The following TEX48 variants were observed in gnomAD, a reference collection of about 807,000 sequenced individuals.
TEX48 encodes testis-expressed protein 48.
A neutral mutation model predicts 13.2 loss-of-function variants in TEX48; 10 were observed. The ratio of observed to expected loss-of-function variants is 0.75; its 90% confidence interval spans 0.47 to 1.28. TEX48 has a LOEUF of 1.28. Ranked by LOEUF, TEX48 falls within the 50% of genes most tolerant of loss-of-function variation. The probability of loss-of-function intolerance (pLI) is 0.00; values close to 1 mark genes in which losing one functional copy is unlikely to be tolerated. For missense variants in TEX48, 116 were observed against 139.4 expected (o/e 0.83, Z 0.84); for synonymous variants, 45 against 52.3 (o/e 0.86, Z 0.60).
At chr9:114,669,826 T>C (rs1482858347) in intron 3 of TEX48, among the ~76,000 whole-genome samples, 1 of 152,186 alleles carries the variant, frequency 6.6e-6, no homozygotes, top group East Asian at 1.9e-4. Context: ...GTTATCCTCC[T>C]GCCCCTCAAA....
In TEX48 at chr9:114,678,179, A is replaced by C. The variant is rs542659621; in HGVS notation, c.-105+3856T>G. Among the ~76,000 whole-genome samples, 3 of 151,126 alleles carry C rather than the reference A, an allele frequency of 2.0e-5. No homozygotes were observed. The East Asian group carries it at 5.8e-4, about 29-fold the overall frequency. On this transcript the variant is annotated intron_variant, in intron 1 of 4. Coordinates refer to ENST00000436752, the MANE Select transcript of TEX48 (RefSeq NM_001199233.2). Reference sequence around the variant, plus strand: ...GGCCTCAGGAAGAAAAAGATAAAAAAGACCTTACTCTTACTCAAACCTTCT... The same window carrying C: ...GGCCTCAGGAAGAAAAAGATAAAAACGACCTTACTCTTACTCAAACCTTCT...
intron 1 of TEX48, among the ~76,000 whole-genome samples, chr9:114,680,120 CCTTTTTT>C (rs1828161229): frequency 1.9e-5 from 1 of 52,126 alleles, no homozygotes; most frequent in Non-Finnish European, 3.8e-5. Context: ...TGTCATTGTC[CCTTTTTT>C]TTTTTTTTTT....
At chr9:114,673,173 A>G (rs1209569940) in intron 1 of TEX48, among the ~76,000 whole-genome samples, 1 of 152,150 alleles carries the variant, frequency 6.6e-6, no homozygotes, top group African/African-American at 2.4e-5. Flanking sequence ...CCAAACATGA[A>G]AAACAAAAAA....
intron 4 of TEX48, among the ~76,000 whole-genome samples, chr9:114,667,175 T>A (rs1397131753): frequency 6.6e-6 from 1 of 152,184 alleles, no homozygotes; most frequent in Non-Finnish European, 1.5e-5. Context: ...AGCAGAGCTG[T>A]TCCTCTTTGA....
intron 3 of TEX48, among the ~76,000 whole-genome samples, chr9:114,670,067 T>A (rs1486565828): frequency 1.3e-5 from 2 of 152,226 alleles, no homozygotes; most frequent in Non-Finnish European, 2.9e-5. Flanking sequence ...TGCCTCTTCA[T>A]TCATATCTGC....
intron 1 of TEX48, among the ~76,000 whole-genome samples, chr9:114,676,855 A>G (rs1828082152): frequency 6.6e-6 from 1 of 152,052 alleles, no homozygotes. Context: ...TGACCTAGTG[A>G]TCTGCCCATC....
intron 3 of TEX48, among the ~76,000 whole-genome samples, chr9:114,669,791 G>C (rs1830916722): frequency 6.6e-6 from 1 of 151,720 alleles, no homozygotes; most frequent in Admixed American, 6.6e-5. Flanking sequence ...TGTTGCCCAG[G>C]CTGGTCTTGA....
At chr9:114,671,934 A>G (rs1827956988) in intron 1 of TEX48, 107 bp from the exon 2 acceptor site, 1 of 599,506 alleles carries the variant, frequency 1.7e-6, no homozygotes, top group Non-Finnish European at 3.0e-6. Flanking sequence ...AGACATGCAC[A>G]TAAACATGCT....
At chr9:114,674,811 T>C (rs1168505226) in intron 1 of TEX48, among the ~76,000 whole-genome samples, 1 of 151,080 alleles carries the variant, frequency 6.6e-6, no homozygotes, top group Non-Finnish European at 1.5e-5. Flanking sequence ...TAGCTGGGAC[T>C]ACAGGTGCAT....
chr9:114,676,859 G>T (rs1828082247), intron 1 of TEX48, among the ~76,000 whole-genome samples: 10 of 152,004 alleles, frequency 6.6e-5, no homozygotes, highest in Admixed American at 6.6e-4. Flanking sequence ...CTAGTGATCT[G>T]CCCATCTCGG....
chr9:114,671,313 C>A, intron 3 of TEX48, 70 bp downstream of exon 3: 2 of 1,505,954 alleles, frequency 1.3e-6, no homozygotes, highest in South Asian at 1.2e-5. Flanking sequence ...TTGGGGGTAT[C>A]CCAGCAGGCA....
chr9:114,671,126 G>T (rs1827937338), intron 3 of TEX48, among the ~76,000 whole-genome samples: 1 of 152,178 alleles, frequency 6.6e-6, no homozygotes, highest in African/African-American at 2.4e-5. Context: ...TTCCAGAGCG[G>T]GGTCTGAAAA....
intron 4 of TEX48, among the ~76,000 whole-genome samples, chr9:114,667,907 A>AAG (rs1827871968): frequency 6.7e-6 from 1 of 148,446 alleles, no homozygotes; most frequent in Non-Finnish European, 1.5e-5. Flanking sequence ...CTCCATCTCA[A>AAG]AAAAAAAAAA....
At chr9:114,679,812 T>C (rs1432482574) in intron 1 of TEX48, among the ~76,000 whole-genome samples, 1 of 152,184 alleles carries the variant, frequency 6.6e-6, no homozygotes, top group Non-Finnish European at 1.5e-5. Flanking sequence ...TCCCCTCACC[T>C]TGACTGACAC....
chr9:114,675,738 ACT>A (rs1828047596), intron 1 of TEX48, among the ~76,000 whole-genome samples: 1 of 151,830 alleles, frequency 6.6e-6, no homozygotes, highest in African/African-American at 2.4e-5. Flanking sequence ...TGCAGATCCA[ACT>A]CCTTTTGTGA....
At chr9:114,676,691 A>T (rs917485292) in intron 1 of TEX48, among the ~76,000 whole-genome samples, 26 of 149,018 alleles carry the variant, frequency 1.7e-4, no homozygotes, top group African/African-American at 6.5e-4. Context: ...ATCTTGTCTC[A>T]CTTCGTGCTC....
intron 3 of TEX48, among the ~76,000 whole-genome samples, chr9:114,670,683 G>T (rs146217082): frequency 3.6e-4 from 55 of 152,208 alleles, no homozygotes; most frequent in African/African-American, 1.3e-3. Flanking sequence ...AGATTTAAAG[G>T]GGGGTGGCTG....
intron 4 of TEX48, among the ~76,000 whole-genome samples, chr9:114,667,698 T>C (rs146683560): frequency 0.13 from 19,607 of 151,962 alleles, 1,463 homozygotes; most frequent in South Asian, 0.25. Flanking sequence ...CAGGAGTTCG[T>C]GACCAGCCTG....
intron 1 of TEX48, among the ~76,000 whole-genome samples, chr9:114,677,212 G>C (rs1248556024): frequency 1.3e-5 from 2 of 149,890 alleles, no homozygotes; most frequent in Non-Finnish European, 2.9e-5. Flanking sequence ...ATAGTCTTTT[G>C]GATCTGCTGC....
Sources: gnomAD v4.1 joint callset for allele counts (sites outside exome capture counted in the v4.1 genomes callset) on GRCh38, gnomAD v4.1.1 for gene constraint, MANE v1.5 for transcripts, NCBI Gene and HGNC (gene_info 2026-07-23, HGNC 2026-07-21) for gene names.